DPYSL5: variants seen among roughly 807,000 people sequenced by gnomAD.
DPYSL5 encodes the protein dihydropyrimidinase like 5, also known as dihydropyrimidinase-related protein 5.
Under a neutral mutation model 58.4 loss-of-function variants are expected in DPYSL5, and 9 were observed. The ratio of observed to expected loss-of-function variants is 0.15; its 90% CI spans 0.09 to 0.27. The LOEUF (loss-of-function observed/expected upper bound fraction) is 0.27, where lower values mean the gene tolerates loss of function less well. Among genes scored for constraint, DPYSL5 ranks in the 10% least tolerant of loss-of-function variants. DPYSL5 has a pLI of 1.00. For synonymous variants in DPYSL5, 293 were observed against 301.9 expected (o/e 0.97, Z 0.31); for missense variants, 499 against 770.6 (o/e 0.65, Z 4.17).
intron 1 of DPYSL5, among the ~76,000 whole-genome samples, chr2:26,855,201 G>A (rs754015273): frequency 4.6e-5 from 7 of 151,382 alleles, no homozygotes; most frequent in Non-Finnish European, 1.0e-4. Flanking sequence ...AGCCTGAGGC[G>A]GGTGGGTCAT....
chr2:26,849,871 A>C lies in DPYSL5; in HGVS notation c.-5+1617A>C, dbSNP rs923298135. Among the ~76,000 whole-genome samples the C allele has an allele frequency of 5.3e-5, 8 of 151,934 alleles. No individual in the cohort carries two copies. Among genetic ancestry groups the C allele is most frequent in the African/African-American group, 1.9e-4 (8 of 41,368 alleles). ...GGGGCCTGCAGACAGCCACCCCCCC[A>C]CTCCGGCTCGGGTGCCTTCTGGTGC... is the stretch of plus-strand genomic sequence containing the variant. On this transcript the variant is annotated intron_variant, in intron 1 of 12. Coordinates refer to ENST00000288699, the MANE Select transcript of DPYSL5 (RefSeq NM_020134.4). The surrounding 1 kb of genome is among the most constrained non-coding windows in gnomAD (Gnocchi z 6.2).
chr2:26,915,501 G>T (rs1382457129), intron 2 of DPYSL5, among the ~76,000 whole-genome samples: 25 of 152,150 alleles, frequency 1.6e-4, no homozygotes, highest in Admixed American at 1.6e-3. Flanking sequence ...CTGGACTTCT[G>T]CCTGGACCCC....
At chr2:26,919,836 C>T (rs965816392) in intron 2 of DPYSL5, among the ~76,000 whole-genome samples, 2 of 152,080 alleles carry the variant, frequency 1.3e-5, no homozygotes, top group Non-Finnish European at 2.9e-5. Context: ...AATGCTCAAG[C>T]ACTGTGTGAA....
At chr2:26,915,544 GC>G (rs1232497984) in intron 2 of DPYSL5, among the ~76,000 whole-genome samples, 2 of 152,140 alleles carry the variant, frequency 1.3e-5, no homozygotes, top group African/African-American at 4.8e-5. Flanking sequence ...TGGGCTCCCA[GC>G]CCCTCAGCTC....
chr2:26,892,860 C>T (rs1323115182), intron 1 of DPYSL5, among the ~76,000 whole-genome samples: 1 of 151,006 alleles, frequency 6.6e-6, no homozygotes, highest in Admixed American at 6.6e-5. Context: ...AGAACCAAAG[C>T]CATTTTCTTA....
At chr2:26,880,878 A>C (rs979994382) in intron 1 of DPYSL5, among the ~76,000 whole-genome samples, 1 of 152,222 alleles carries the variant, frequency 6.6e-6, no homozygotes, top group African/African-American at 2.4e-5. Context: ...TCTATGTGCC[A>C]AACCCTCAGA....
At chr2:26,887,143 G>T (rs1315294890) in intron 1 of DPYSL5, among the ~76,000 whole-genome samples, 3 of 152,156 alleles carry the variant, frequency 2.0e-5, no homozygotes, top group Non-Finnish European at 4.4e-5. Flanking sequence ...GTGTGTTTTT[G>T]ATATCACAGT....
intron 9 of DPYSL5, among the ~76,000 whole-genome samples, 153 bp downstream of exon 9, chr2:26,940,325 A>G (rs1665283708): frequency 6.6e-6 from 1 of 152,222 alleles, no homozygotes; most frequent in Non-Finnish European, 1.5e-5. Context: ...TTTCACTCAA[A>G]AACAAAACAC....
intron 11 of DPYSL5, among the ~76,000 whole-genome samples, chr2:26,943,970 G>A (rs1306949962): frequency 6.6e-6 from 1 of 152,144 alleles, no homozygotes; most frequent in African/African-American, 2.4e-5. Flanking sequence ...GGGGAATAAC[G>A]TTGCGCTGTG....
chr2:26,924,282 T>C lies in DPYSL5; in HGVS notation c.262-605T>C, dbSNP rs1458773047. Among the ~76,000 whole-genome samples the C allele has an allele frequency of 6.6e-6, 1 of 152,214 alleles. No homozygotes were observed. Among genetic ancestry groups the C allele is most frequent in the Non-Finnish European group, 1.5e-5 (1 of 68,036 alleles). On this transcript the variant is annotated intron_variant, in intron 2 of 12. Transcript: ENST00000288699. The surrounding 1 kb of genome is among the most constrained non-coding windows in gnomAD (Gnocchi z 4.7). ...AAGATAGATGAAAATGAAGCCCCTA[T>C]GCTTAGAAAAACTGAAGACAAAGAC...
At chr2:26,893,034 C>T (rs979276919) in intron 1 of DPYSL5, among the ~76,000 whole-genome samples, 2 of 152,176 alleles carry the variant, frequency 1.3e-5, no homozygotes, top group African/African-American at 2.4e-5. Flanking sequence ...TCTGCCCTGT[C>T]GCCTTCCACT....
chr2:26,928,559 A>G (rs1278855919), intron 5 of DPYSL5, among the ~76,000 whole-genome samples: 1 of 150,688 alleles, frequency 6.6e-6, no homozygotes, highest in African/African-American at 2.4e-5. Flanking sequence ...TTAGCTGGGC[A>G]TAGTGGTGCA....
intron 1 of DPYSL5, among the ~76,000 whole-genome samples, chr2:26,881,421 A>G (rs545414364): frequency 6.6e-6 from 1 of 152,288 alleles, no homozygotes; most frequent in Non-Finnish European, 1.5e-5. Context: ...TCAAGGTCAC[A>G]GTGGCTCACC....
At chr2:26,926,881 C>G (rs961354332) in intron 3 of DPYSL5, among the ~76,000 whole-genome samples, 1 of 152,156 alleles carries the variant, frequency 6.6e-6, no homozygotes, top group Non-Finnish European at 1.5e-5. Flanking sequence ...CATTAGTATG[C>G]CTTCTTTGTA....
In DPYSL5 at chr2:26,899,820, C is replaced by T. The variant is rs151020430; in HGVS notation, c.261+1060C>T. Among the ~76,000 whole-genome samples, 53 of 152,336 alleles carry T rather than the reference C, an allele frequency of 3.5e-4. No individual in the cohort carries two copies. In the East Asian group the frequency reaches 7.7e-3, roughly 22 times the overall value. The stretch of plus-strand genomic sequence containing the variant: ...CTGGCATCAGGGCTACACCTGCTCA[C>T]TCTAGCCAAGTCCAGGGAAGAGAGG... On this transcript the variant is annotated intron_variant, in intron 2 of 12. Transcript: ENST00000288699.
intron 1 of DPYSL5, among the ~76,000 whole-genome samples, chr2:26,869,532 G>T (rs1663203101): frequency 2.0e-5 from 3 of 152,042 alleles, no homozygotes. Context: ...TCTATATATA[G>T]ATATTCCCTT....
At chr2:26,943,327 G>T (rs1665374761) in intron 11 of DPYSL5, among the ~76,000 whole-genome samples, 1 of 152,180 alleles carries the variant, frequency 6.6e-6, no homozygotes, top group South Asian at 2.1e-4. Context: ...CCGTGGGAGC[G>T]CAGGCTTGGG....
At chr2:26,888,984 T>A (rs954860322) in intron 1 of DPYSL5, among the ~76,000 whole-genome samples, 1 of 152,074 alleles carries the variant, frequency 6.6e-6, no homozygotes, top group Admixed American at 6.5e-5. Flanking sequence ...TGCCCTCACA[T>A]GTCAGAGAGA....
chr2:26,891,203 A>G (rs1663872300), intron 1 of DPYSL5, among the ~76,000 whole-genome samples: 1 of 152,224 alleles, frequency 6.6e-6, no homozygotes, highest in Non-Finnish European at 1.5e-5. Flanking sequence ...CATTGTAAGG[A>G]TTAAATCAGA....
Sources: gnomAD v4.1 joint callset for allele counts (sites outside exome capture counted in the v4.1 genomes callset) on GRCh38, gnomAD v4.1.1 for gene constraint, Gnocchi (gnomAD v3.1) non-coding constraint, MANE v1.5 for transcripts, NCBI Gene and HGNC (gene_info 2026-07-23, HGNC 2026-07-21) for gene names.